NF1: variants seen among roughly 807,000 people sequenced by gnomAD.
NF1 encodes the protein neurofibromin.
Under a neutral mutation model 325.7 loss-of-function variants are expected in NF1, and 122 were observed. The ratio of observed to expected loss-of-function variants is 0.37; its 90% CI spans 0.32 to 0.44. The LOEUF (loss-of-function observed/expected upper bound fraction) is 0.44, where lower values mean the gene tolerates loss of function less well. Among genes scored for constraint, NF1 ranks in the 20% least tolerant of loss-of-function variants. NF1 has a pLI of 1.00. For synonymous variants in NF1, 1,091 were observed against 1,186.0 expected, an observed-to-expected ratio of 0.92 and a Z score of 1.65; for missense variants, 2,140 against 3,415.4, an observed-to-expected ratio of 0.63 and a Z score of 9.31.
intron 1 of NF1, among the ~76,000 whole-genome samples, chr17:31,101,204 T>G (rs554382134): frequency 6.6e-6 from 1 of 152,066 alleles, no homozygotes; most frequent in African/African-American, 2.4e-5. Context: ...CAAAACATAG[T>G]GGTCATTGCT....
chr17:31,121,502 G>A (rs778579751), intron 1 of NF1, among the ~76,000 whole-genome samples: 14 of 146,476 alleles, frequency 9.6e-5, no homozygotes, highest in East Asian at 2.0e-4. Flanking sequence ...CCGTGTTCAC[G>A]CCATTCTCCT....
chr17:31,227,154 A>G, intron 18 of NF1, 64 bp from the exon 19 acceptor site: 3 of 1,525,842 alleles, frequency 2.0e-6, no homozygotes, highest in Non-Finnish European at 2.7e-6. Context: ...GGAGCTTATC[A>G]GGTTCTCCAT....
At chr17:31,334,057 C>T (rs980533419) in intron 39 of NF1, among the ~76,000 whole-genome samples, 2 of 152,008 alleles carry the variant, frequency 1.3e-5, no homozygotes, top group African/African-American at 4.8e-5. Context: ...GAGGCCGAGG[C>T]GGGCAGATCA....
intron 36 of NF1, chr17:31,305,719 T>G: frequency 9.1e-7 from 1 of 1,093,010 alleles, no homozygotes; most frequent in African/African-American, 1.6e-5. Flanking sequence ...ATTCCTGGCA[T>G]AAAGTAGGTA....
At chr17:31,184,999 A>T (rs1315193874) in intron 8 of NF1, among the ~76,000 whole-genome samples, 3 of 152,082 alleles carry the variant, frequency 2.0e-5, no homozygotes. Flanking sequence ...ACTCTGATGA[A>T]CCTTTTTTGC....
At chr17:31,218,868 A>G (rs987395438) in intron 13 of NF1, 137 bp from the exon 14 acceptor site, 2 of 881,238 alleles carry the variant, frequency 2.3e-6, no homozygotes, top group African/African-American at 3.4e-5. Context: ...CACCGCGTCC[A>G]GCCTAGTTCT....
intron 13 of NF1, among the ~76,000 whole-genome samples, 182 bp from the exon 14 acceptor site, chr17:31,218,823 C>G (rs2066869553): frequency 6.6e-6 from 1 of 152,210 alleles, no homozygotes; most frequent in Admixed American, 6.5e-5. Context: ...CCACCCGCCA[C>G]TACCTCCCAA....
intron 8 of NF1, among the ~76,000 whole-genome samples, chr17:31,192,262 C>G (rs1567831427): frequency 6.6e-6 from 1 of 152,212 alleles, no homozygotes; most frequent in South Asian, 2.1e-4. Context: ...ACACAGCCAT[C>G]AGGAGTTCCT....
chr17:31,337,397 C>G lies in NF1; in HGVS notation c.6457C>G (p.Leu2153Val), dbSNP rs2151556030. Residue 2153 changes from leucine (L) to valine (V), a missense_variant, in exon 43 of 58, where the codon CTG (leucine) becomes GTG (valine). Leu to Val is a conservative substitution (Grantham distance 32). Transcript: ENST00000358273. Reference sequence around the variant, plus strand: ...GACCAAGCAAGTTTTGAGACTCAGTCTGACAGAGTTCTCATTACCCAAATT... The same window carrying G: ...GACCAAGCAAGTTTTGAGACTCAGTGTGACAGAGTTCTCATTACCCAAATT... ...EETKQVLRLS[L>V]TEFSLPKFYL... 6.2e-7 allele frequency: 1 copy of G among 1,614,038 alleles called. No individual in the cohort carries two copies. The highest frequency in any genetic ancestry group is 8.5e-7 in the Non-Finnish European group (1 of 1,179,920).
At chr17:31,099,556 A>T (rs1374539013) in intron 1 of NF1, among the ~76,000 whole-genome samples, 1 of 133,498 alleles carries the variant, frequency 7.5e-6, no homozygotes. Context: ...GTAGGTGTGT[A>T]GCTTTTTTTT....
chr17:31,224,813 A>G (rs2066984669), intron 16 of NF1, among the ~76,000 whole-genome samples: 1 of 152,186 alleles, frequency 6.6e-6, no homozygotes, highest in African/African-American at 2.4e-5. Flanking sequence ...GTAGATTTAT[A>G]TTGTTGATGT....
At chr17:31,252,794 C>T in intron 30 of NF1, 144 bp from the exon 31 acceptor site, 1 of 682,872 alleles carries the variant, frequency 1.5e-6, no homozygotes, top group Non-Finnish European at 2.5e-6. Flanking sequence ...AAATTCATTC[C>T]TCAAAATTCA....
intron 36 of NF1, among the ~76,000 whole-genome samples, chr17:31,319,373 T>TA (rs11295418): frequency 1.6e-3 from 231 of 142,990 alleles, no homozygotes; most frequent in Middle Eastern, 3.5e-3. Context: ...ATTCCTTCTT[T>TA]AAAAAAAAAA....
At chr17:31,345,305 T>A (rs952751849) in intron 48 of NF1, among the ~76,000 whole-genome samples, 1 of 152,152 alleles carries the variant, frequency 6.6e-6, no homozygotes, top group Admixed American at 6.5e-5. Context: ...TAATTAAAAA[T>A]GTTTTTGTAT....
intron 35 of NF1, among the ~76,000 whole-genome samples, chr17:31,264,644 G>A (rs1251352388): frequency 6.6e-6 from 1 of 152,146 alleles, no homozygotes; most frequent in Non-Finnish European, 1.5e-5. Flanking sequence ...TAGAGTTGAT[G>A]AATGACATGA....
At chr17:31,296,606 A>G (rs995837698) in intron 36 of NF1, 2 of 428,710 alleles carry the variant, frequency 4.7e-6, no homozygotes, top group African/African-American at 4.0e-5. Flanking sequence ...CCCCTTTTCT[A>G]ACCATATTCT....
chr17:31,157,773 C>T (rs2065689726), intron 2 of NF1, among the ~76,000 whole-genome samples: 1 of 137,028 alleles, frequency 7.3e-6, no homozygotes, highest in Non-Finnish European at 1.6e-5. Flanking sequence ...TCCTGTCTAA[C>T]ATGGTGAAAC....
At chr17:31,112,303 A>T (rs1244860547) in intron 1 of NF1, among the ~76,000 whole-genome samples, 1 of 152,156 alleles carries the variant, frequency 6.6e-6, no homozygotes, top group Non-Finnish European at 1.5e-5. Context: ...AAATGGGTGG[A>T]TCATATGGTG....
rs376037494 is a variant in NF1, at chr17:31,283,582, G to A, written c.4835+18243G>A. 2.7e-3 allele frequency among the ~76,000 whole-genome samples: 405 copies of A among 152,202 alleles called. 1 individual carries two copies. Among genetic ancestry groups the A allele is most frequent in the Middle Eastern group, 6.8e-3 (2 of 294 alleles). On this transcript the variant is annotated intron_variant, in intron 36 of 57. Coordinates refer to ENST00000358273, the MANE Select transcript of NF1 (RefSeq NM_001042492.3). ...TGATCCTTCCAGCTCAGCCTCCTGA[G>A]TAGCTGGAACTACAGGTGTGCACCA...
Sources: gnomAD v4.1 joint callset for allele counts (sites outside exome capture counted in the v4.1 genomes callset) on GRCh38, gnomAD v4.1.1 for gene constraint, MANE v1.5 for transcripts, NCBI Gene and HGNC (gene_info 2026-07-23, HGNC 2026-07-21) for gene names.